The following CDK17 variants were observed in gnomAD, a reference collection of about 807,000 sequenced individuals.
The protein encoded by CDK17 is cyclin dependent kinase 17, also known as cyclin-dependent kinase 17.
CDK17 carries 24 observed loss-of-function variants against 77.6 expected under a neutral mutation model. The ratio of observed to expected loss-of-function variants is 0.31; its 90% CI spans 0.22 to 0.44. CDK17 has a LOEUF of 0.44. Ranked by LOEUF, CDK17 falls within the 20% of genes least tolerant of loss-of-function variation. The probability of loss-of-function intolerance (pLI) is 1.00; values close to 1 mark genes in which losing one functional copy is unlikely to be tolerated. For synonymous variants in CDK17, 203 were observed against 210.4 expected (o/e 0.96, Z 0.30); for missense variants, 429 against 622.5 (o/e 0.69, Z 3.31).
At chr12:96,393,797 T>C (rs1954116691) in intron 1 of CDK17, among the ~76,000 whole-genome samples, 1 of 152,032 alleles carries the variant, frequency 6.6e-6, no homozygotes, top group Non-Finnish European at 1.5e-5. Context: ...AGAAATAACA[T>C]TACAAGTCAA....
rs113684975 is a variant in CDK17 at position 96,297,784 on chromosome 12, T to C, written c.716-63A>G. On this transcript the variant is annotated intron_variant, in intron 7 of 16. Coordinates refer to ENST00000261211, the MANE Select transcript of CDK17 (RefSeq NM_002595.5). ...AGTCTTTATAAAAACCTGAAGTAAG[T>C]TGAACATACGAACTGATTAAAAGAT... 9,467 of 880,400 alleles carry C rather than the reference T, an allele frequency of 0.011. 74 individuals are homozygous for C. The highest frequency in any genetic ancestry group is 0.014 in the Non-Finnish European group (7,693 of 533,476). The allele number at this position is 880,400 out of a possible 1,614,324, so 54.5% of individuals were successfully genotyped here.
chr12:96,313,862 T>C (rs1401103396), intron 3 of CDK17, among the ~76,000 whole-genome samples: 2 of 152,218 alleles, frequency 1.3e-5, no homozygotes, highest in Admixed American at 1.3e-4. Context: ...GCCTCTTATT[T>C]AGTATTCTTT....
chr12:96,388,767 T>G (rs1565847823), intron 1 of CDK17, among the ~76,000 whole-genome samples: 1 of 152,202 alleles, frequency 6.6e-6, no homozygotes, highest in Admixed American at 6.5e-5. Context: ...CTCATGGTTC[T>G]GCAAGCTGTA....
intron 3 of CDK17, among the ~76,000 whole-genome samples, 166 bp from the exon 4 acceptor site, chr12:96,313,620 CAAATGTCTTA>C (rs2137108536): frequency 6.6e-6 from 1 of 152,170 alleles, no homozygotes; most frequent in African/African-American, 2.4e-5. Context: ...AAACATGACT[CAAATGTCTTA>C]AAATAGTATG....
chr12:96,356,237 A>G (rs1953391137), intron 1 of CDK17, among the ~76,000 whole-genome samples: 1 of 152,252 alleles, frequency 6.6e-6, no homozygotes, highest in Non-Finnish European at 1.5e-5. Context: ...TTCAAATAAT[A>G]GCCCACATAC....
chr12:96,310,954 A>G, intron 5 of CDK17, 98 bp downstream of exon 5: 3 of 1,271,226 alleles, frequency 2.4e-6, no homozygotes, highest in South Asian at 3.0e-5. Context: ...TAGCTATTCT[A>G]AAGTCAAGTA....
At chr12:96,332,270 T>C (rs1029776040) in intron 2 of CDK17, among the ~76,000 whole-genome samples, 7 of 152,308 alleles carry the variant, frequency 4.6e-5, no homozygotes, top group Admixed American at 3.3e-4. Context: ...CCTAATAACG[T>C]ATCTCTCAGA....
intron 13 of CDK17, 152 bp downstream of exon 13, chr12:96,285,891 A>C (rs1482097117): frequency 2.3e-6 from 1 of 438,600 alleles, no homozygotes; most frequent in East Asian, 3.9e-5. Flanking sequence ...AGAATTCTAA[A>C]ACATATACAG....
At chr12:96,308,731 A>AAATAAT (rs34304107) in intron 5 of CDK17, among the ~76,000 whole-genome samples, 8,647 of 132,476 alleles carry the variant, frequency 0.065, 439 homozygotes, top group African/African-American at 0.13. Context: ...CCGTCTCCAA[A>AAATAAT]AATAATAATA....
Position 96,319,568 on chromosome 12 carries a change from G to A in CDK17, c.283+4380C>T, listed in dbSNP as rs1952786253. 2.8e-5 allele frequency among the ~76,000 whole-genome samples: 4 copies of A among 143,852 alleles called. No homozygotes were observed. In the South Asian group the frequency reaches 7.0e-4, roughly 25 times the overall value. 94.4% of individuals were successfully genotyped at this position (143,852 alleles called of 152,430 possible). A position where few individuals can be genotyped will look rare whatever the true frequency, so the allele number is the denominator to read the frequency against. ...ATCCTCAATAAAATACTGGCAAACG[G>A]AATCCAGCAGCACATCAAAAAGCTT... On this transcript the variant is annotated intron_variant, in intron 3 of 16. Coordinates refer to ENST00000261211, the MANE Select transcript of CDK17 (RefSeq NM_002595.5).
intron 1 of CDK17, among the ~76,000 whole-genome samples, chr12:96,343,043 A>C (rs1953144928): frequency 6.6e-6 from 1 of 152,248 alleles, no homozygotes; most frequent in Non-Finnish European, 1.5e-5. Flanking sequence ...TGAAACACAC[A>C]AACTAGAAAA....
At position 96,307,155 on chromosome 12, in the gene CDK17, T is replaced by C. The variant is rs532684931; in HGVS notation, c.543+3897A>G. On this transcript the variant is annotated intron_variant, in intron 5 of 16. Transcript: ENST00000261211. ...TACTAAAAATACAAAATTAGCCGGG[T>C]GTGGTGGCGCATGCCTGTAATCCCA... 1.1e-3 allele frequency among the ~76,000 whole-genome samples: 173 copies of C among 151,662 alleles called. 1 individual carries two copies. The South Asian group carries it at 0.014, about 12-fold the overall frequency.
chr12:96,334,969 A>G, intron 1 of CDK17, 104 bp from the exon 2 acceptor site: 1 of 689,560 alleles, frequency 1.5e-6, no homozygotes, highest in East Asian at 2.7e-5. Context: ...GAATATAATG[A>G]GGAATTCTCA....
chr12:96,315,121 C>A (rs186079107), intron 3 of CDK17, among the ~76,000 whole-genome samples: 2 of 152,310 alleles, frequency 1.3e-5, no homozygotes, highest in East Asian at 3.9e-4. Flanking sequence ...ATAACTAGAT[C>A]TCTTTTTCAA....
intron 9 of CDK17, among the ~76,000 whole-genome samples, chr12:96,296,021 T>C (rs1396320415): frequency 6.6e-6 from 1 of 152,184 alleles, no homozygotes; most frequent in Non-Finnish European, 1.5e-5. Context: ...CTGAATGAAT[T>C]CTCTGTGCCA....
chr12:96,356,647 T>C (rs1261784276), intron 1 of CDK17, among the ~76,000 whole-genome samples: 4 of 152,172 alleles, frequency 2.6e-5, no homozygotes, highest in Non-Finnish European at 5.9e-5. Flanking sequence ...AACCCCTACA[T>C]GAAATGATAC....
intron 1 of CDK17, among the ~76,000 whole-genome samples, chr12:96,379,244 T>C (rs913826161): frequency 2.6e-5 from 4 of 152,194 alleles, no homozygotes; most frequent in African/African-American, 9.6e-5. Flanking sequence ...AGAACCTGTA[T>C]GTAAGTTTAC....
rs61572243 is a variant in CDK17 at position 96,308,229 on chromosome 12, T to TAAAAAAAAAAAAAAAAAAA, written c.543+2804_543+2822dup. On this transcript the variant is annotated intron_variant, in intron 5 of 16. Transcript: ENST00000261211. ...GGGCAACACAGTGAGATGCCATCTC[T>TAAAAAAAAAAAAAAAAAAA]AAAAAAAAAAAAAAAAAAAAAAAGT... Among the ~76,000 whole-genome samples the TAAAAAAAAAAAAAAAAAAA allele has an allele frequency of 7.2e-4, 46 of 63,754 alleles. 1 individual carries two copies. The highest frequency in any genetic ancestry group is 9.6e-4 in the Non-Finnish European group (31 of 32,262). The allele number at this position is 63,754 out of a possible 152,430, so 41.8% of individuals were successfully genotyped here. A position where few individuals can be genotyped will look rare whatever the true frequency, so the allele number is the denominator to read the frequency against.
intron 1 of CDK17, among the ~76,000 whole-genome samples, chr12:96,373,883 G>GCACTCCACCCTGGGCGACAGAGCGAAGAC (rs892904748): frequency 2.6e-5 from 4 of 152,054 alleles, no homozygotes; most frequent in Non-Finnish European, 5.9e-5. Context: ...TCGCGCCATT[G>GCACTCCACCCTGGGCGACAGAGCGAAGAC]CACTCCACCC....
Sources: gnomAD v4.1 joint callset for allele counts (sites outside exome capture counted in the v4.1 genomes callset) on GRCh38, gnomAD v4.1.1 for gene constraint, MANE v1.5 for transcripts, NCBI Gene and HGNC (gene_info 2026-07-23, HGNC 2026-07-21) for gene names.